KMT2C: variants seen among roughly 807,000 people sequenced by gnomAD.
KMT2C encodes lysine methyltransferase 2C.
In KMT2C, 88 loss-of-function variants were observed where a neutral mutation model predicts 507.9. The ratio of observed to expected loss-of-function variants is 0.17; its 90% CI spans 0.15 to 0.21. The LOEUF is 0.21. Ranked by LOEUF, KMT2C falls within the 10% of genes least tolerant of loss-of-function variation. KMT2C has a pLI of 1.00. For missense variants in KMT2C, 4,954 were observed against 5,957.8 expected (o/e 0.83, Z 5.55); for synonymous variants, 2,049 against 2,080.8 (o/e 0.98, Z 0.42).
At chr7:152,249,158 GAA>G (rs2095522338) in intron 13 of KMT2C, among the ~76,000 whole-genome samples, 1 of 151,904 alleles carries the variant, frequency 6.6e-6, no homozygotes, top group Admixed American at 6.6e-5. Flanking sequence ...CTAATCTCAG[GAA>G]ATCTATAAAC....
Position 152,182,220 on chromosome 7 carries a change from T to C in KMT2C, c.5640A>G (p.Gln1880=), listed in dbSNP as rs757490788. ...QAQTSQPPSP[Q]VFSPGSSNSR... is the part of the protein sequence containing the mutation. ...AGTTAGAGGACCCAGGTGAAAACAC[T>C]TGCGGTGAGGGTGGCTGAGAAGTCT... Residue 1880 remains glutamine (Q), a synonymous_variant, in exon 36 of 59, where the codon CAA becomes CAG. Coordinates refer to ENST00000262189, the MANE Select transcript of KMT2C (RefSeq NM_170606.3). 4.3e-6 allele frequency: 7 copies of C among 1,614,046 alleles called. No individual in the cohort carries two copies. Among genetic ancestry groups the C allele is most frequent in the South Asian group, 1.1e-5 (1 of 91,068 alleles).
chr7:152,300,698 G>A (rs187082859), intron 6 of KMT2C, among the ~76,000 whole-genome samples: 2 of 152,280 alleles, frequency 1.3e-5, no homozygotes, highest in African/African-American at 4.8e-5. Context: ...CAAACATGGA[G>A]GCAGTCTTGT....
chr7:152,249,764 A>G lies in KMT2C; in HGVS notation c.1813+112T>C, dbSNP rs1409922872. 34 of 440,750 alleles carry G rather than the reference A, an allele frequency of 7.7e-5. No homozygotes were observed. In the East Asian group the frequency reaches 1.2e-3, roughly 16 times the overall value. 27.3% of individuals were successfully genotyped at this position (440,750 alleles called of 1,614,324 possible). A position where few individuals can be genotyped will look rare whatever the true frequency, so the allele number is the denominator to read the frequency against. On this transcript the variant is annotated intron_variant, in intron 13 of 58. Coordinates refer to ENST00000262189, the MANE Select transcript of KMT2C (RefSeq NM_170606.3). ...ATTCTTTTCCAGAATCTCTTAACTA[A>G]AAGATTTAGTTACCGTAATGTATAT...
chr7:152,357,690 T>C (rs910575046), intron 2 of KMT2C, among the ~76,000 whole-genome samples: 3 of 151,984 alleles, frequency 2.0e-5, no homozygotes, highest in Non-Finnish European at 4.4e-5. Context: ...AAGGGTGAAA[T>C]TTAGTATTCT....
intron 1 of KMT2C, among the ~76,000 whole-genome samples, chr7:152,408,560 C>G (rs1394386237): frequency 6.6e-6 from 1 of 152,196 alleles, no homozygotes; most frequent in African/African-American, 2.4e-5. Context: ...TCCTCTAGAT[C>G]AGCAGCGGCA....
At chr7:152,251,765 A>C (rs1289134336) in intron 11 of KMT2C, among the ~76,000 whole-genome samples, 174 bp downstream of exon 11, 1 of 152,190 alleles carries the variant, frequency 6.6e-6, no homozygotes, top group Non-Finnish European at 1.5e-5. Context: ...GATTTTAGCC[A>C]TCAGATTCAG....
At chr7:152,156,412 G>T in intron 44 of KMT2C, 66 bp from the exon 45 acceptor site, 3 of 1,566,302 alleles carry the variant, frequency 1.9e-6, no homozygotes, top group Non-Finnish European at 2.6e-6. Context: ...TTGCTAAAAC[G>T]TAGTTCTGTG....
intron 14 of KMT2C, among the ~76,000 whole-genome samples, chr7:152,239,367 T>C (rs1474665283): frequency 1.3e-5 from 2 of 152,176 alleles, no homozygotes; most frequent in Non-Finnish European, 2.9e-5. Flanking sequence ...GCTGGTAACA[T>C]TAAAATGCAA....
chr7:152,268,151 T>C (rs1411380569), intron 7 of KMT2C, among the ~76,000 whole-genome samples: 6 of 152,106 alleles, frequency 3.9e-5, no homozygotes, highest in Non-Finnish European at 7.4e-5. Flanking sequence ...TGGTGGCACA[T>C]GCCTGTAGTC....
chr7:152,357,742 G>C (rs2097163985), intron 2 of KMT2C, among the ~76,000 whole-genome samples: 2 of 152,110 alleles, frequency 1.3e-5, no homozygotes, highest in South Asian at 4.1e-4. Context: ...TTATTGGAAA[G>C]AAACTATAGA....
intron 3 of KMT2C, among the ~76,000 whole-genome samples, chr7:152,326,938 G>A (rs990597346): frequency 6.6e-6 from 1 of 152,154 alleles, no homozygotes; most frequent in Non-Finnish European, 1.5e-5. Flanking sequence ...CTATTTTAAG[G>A]AAACTGTGGG....
At chr7:152,359,536 G>A (rs1464503733) in intron 1 of KMT2C, among the ~76,000 whole-genome samples, 1 of 151,992 alleles carries the variant, frequency 6.6e-6, no homozygotes, top group East Asian at 1.9e-4. Flanking sequence ...TTGGAGGGTC[G>A]AGTTAGATGG....
At chr7:152,157,874 G>A (rs1284436466) in intron 44 of KMT2C, 2 of 1,339,886 alleles carry the variant, frequency 1.5e-6, no homozygotes, top group Non-Finnish European at 2.0e-6. Context: ...GGAAGAAAGT[G>A]CGCAAAGTTC....
At chr7:152,207,873 T>C (rs1024351098) in intron 23 of KMT2C, among the ~76,000 whole-genome samples, 1 of 152,176 alleles carries the variant, frequency 6.6e-6, no homozygotes, top group Admixed American at 6.5e-5. Context: ...CTATCATCAT[T>C]AAAAGGCATG....
chr7:152,270,012 A>G (rs1383975052), intron 7 of KMT2C, among the ~76,000 whole-genome samples: 1 of 152,258 alleles, frequency 6.6e-6, no homozygotes, highest in Non-Finnish European at 1.5e-5. Context: ...GCATTGGTGA[A>G]CAGCAACAAA....
chr7:152,244,211 A>G (rs1170197219), intron 14 of KMT2C, among the ~76,000 whole-genome samples: 1 of 152,248 alleles, frequency 6.6e-6, no homozygotes, highest in African/African-American at 2.4e-5. Flanking sequence ...TCTCTAGTTC[A>G]GAACTCCGCT....
chr7:152,426,926 T>G (rs548075304), intron 1 of KMT2C, among the ~76,000 whole-genome samples: 1 of 152,314 alleles, frequency 6.6e-6, no homozygotes, highest in Non-Finnish European at 1.5e-5. Flanking sequence ...TGTCAAATGA[T>G]TTACCATTTC....
intron 1 of KMT2C, among the ~76,000 whole-genome samples, chr7:152,397,536 T>TC (rs1185998339): frequency 6.6e-6 from 1 of 152,092 alleles, no homozygotes; most frequent in African/African-American, 2.4e-5. Context: ...TCTCCTAAGT[T>TC]CCCCTCATTG....
rs916592599 is a variant in KMT2C, at chr7:152,145,390, C to T, written c.14032-95G>A. The T allele has an allele frequency of 7.2e-6, 9 of 1,242,526 alleles. No individual in the cohort carries two copies. In the African/African-American group the frequency reaches 1.2e-4, roughly 17 times the overall value. The allele number at this position is 1,242,526 out of a possible 1,614,324, so 77.0% of individuals were successfully genotyped here. Reference sequence around the variant, plus strand: ...AAAGGATGGCCCACGACAGAAATAACTCATCAGCGTTTTCCCCGATAATAA... The same window carrying T: ...AAAGGATGGCCCACGACAGAAATAATTCATCAGCGTTTTCCCCGATAATAA... On this transcript the variant is annotated intron_variant, in intron 53 of 58. Coordinates refer to ENST00000262189, the MANE Select transcript of KMT2C (RefSeq NM_170606.3).
Sources: allele counts gnomAD v4.1 joint callset (sites outside exome capture counted in the v4.1 genomes callset), GRCh38; gene constraint gnomAD v4.1.1; transcripts MANE v1.5; gene names NCBI Gene and HGNC (gene_info 2026-07-23, HGNC 2026-07-21).